RBMS2: variants seen among roughly 807,000 people sequenced by gnomAD.
RBMS2 encodes RNA binding motif single stranded interacting protein 2, also known as RNA-binding motif, single-stranded-interacting protein 2.
RBMS2 carries 38 observed loss-of-function variants against 58.4 expected under a neutral mutation model. That is an observed-to-expected ratio of 0.65 (90% CI 0.50 to 0.85). RBMS2 has a LOEUF of 0.85. Ranked by LOEUF, RBMS2 falls within the 40% of genes least tolerant of loss-of-function variation. The probability of loss-of-function intolerance (pLI) is 0.00; values close to 1 mark genes in which losing one functional copy is unlikely to be tolerated. For synonymous variants in RBMS2, 151 were observed against 180.7 expected (o/e 0.84, Z 1.32); for missense variants, 367 against 503.7 (o/e 0.73, Z 2.60).
chr12:56,528,474 A>G (rs778897528), intron 1 of RBMS2, among the ~76,000 whole-genome samples: 6 of 152,178 alleles, frequency 3.9e-5, no homozygotes, highest in African/African-American at 1.4e-4. Context: ...AACATTGATT[A>G]AGATGTAGAG....
intron 1 of RBMS2, among the ~76,000 whole-genome samples, chr12:56,553,308 T>C (rs1028927264): frequency 6.6e-6 from 1 of 151,838 alleles, no homozygotes; most frequent in African/African-American, 2.4e-5. Flanking sequence ...TGCACCATCA[T>C]GCCTGGCTAA....
intron 5 of RBMS2, among the ~76,000 whole-genome samples, chr12:56,574,029 T>C (rs1484808930): frequency 6.6e-6 from 1 of 152,120 alleles, no homozygotes. Flanking sequence ...TTAGTAAAGA[T>C]GTGGTTTCAC....
intron 1 of RBMS2, among the ~76,000 whole-genome samples, chr12:56,530,350 CTTTTTTTTTTTTTTT>C (rs71081373): frequency 6.3e-5 from 4 of 63,780 alleles, no homozygotes; most frequent in Non-Finnish European, 9.3e-5. Context: ...TTTCTTTTTC[CTTTTTTTTTTTTTTT>C]TTTTTTTTTT....
intron 5 of RBMS2, among the ~76,000 whole-genome samples, chr12:56,579,152 A>G (rs1447888004): frequency 6.6e-6 from 1 of 152,194 alleles, no homozygotes; most frequent in Non-Finnish European, 1.5e-5. Flanking sequence ...ATTAGCCGTC[A>G]GGAGCTCTCC....
rs1186581877 is a variant in RBMS2, at chr12:56,590,876, A to G, written c.*1743A>G. On this transcript the variant is annotated 3_prime_UTR_variant, in exon 14 of 14. Transcript: ENST00000262031. ...TGGACCCTTTGCCCAGGGAACCAGG[A>G]CATCAGAAATAATGTTCCTTCTGTG... The G allele has an allele frequency of 6.6e-6, 1 of 152,228 alleles. No homozygotes were observed. Among genetic ancestry groups the G allele is most frequent in the Middle Eastern group, 3.1e-3 (1 of 318 alleles). 9.4% of individuals were successfully genotyped at this position (152,228 alleles called of 1,614,324 possible).
At chr12:56,528,249 CA>C (rs35558222) in intron 1 of RBMS2, among the ~76,000 whole-genome samples, 2,718 of 135,560 alleles carry the variant, frequency 0.02, 35 homozygotes, top group Middle Eastern at 0.038. Flanking sequence ...GACCATGTAT[CA>C]AAAAAAAAAA....
At chr12:56,521,293 G>A (rs1871687788), upstream of RBMS2, among the ~76,000 whole-genome samples, 1 of 152,024 alleles carries the variant, frequency 6.6e-6, no homozygotes. Context: ...AGCTGGGTGT[G>A]GTGGTGGTCA....
chr12:56,581,778 G>A, intron 7 of RBMS2, 55 bp from the exon 8 acceptor site: 1 of 1,591,194 alleles, frequency 6.3e-7, no homozygotes, highest in Non-Finnish European at 8.6e-7. Flanking sequence ...TTCTGGGCCA[G>A]CTCCTATTCT....
In RBMS2 at chr12:56,595,338, A is replaced by G. The variant is rs959607336; in HGVS notation, c.*6205A>G. 1 of 152,204 alleles carries G rather than the reference A, an allele frequency of 6.6e-6. No individual in the cohort carries two copies. The highest frequency in any genetic ancestry group is 1.5e-5 in the Non-Finnish European group (1 of 68,042). The allele number at this position is 152,204 out of a possible 1,614,324, so 9.4% of individuals were successfully genotyped here. A position where few individuals can be genotyped will look rare whatever the true frequency, so the allele number is the denominator to read the frequency against. On this transcript the variant is annotated 3_prime_UTR_variant, in exon 14 of 14. Transcript: ENST00000262031. ...CAGCGCGAGTGAAGTCCCCACTCCA[A>G]CATATACCCTTTTTGGGTGGGTAAA...
intron 1 of RBMS2, chr12:56,527,749 G>GC (rs1872931243): frequency 2.2e-5 from 1 of 44,884 alleles, no homozygotes. Context: ...CCCATCCCCC[G>GC]CCACCCCCCC....
intron 1 of RBMS2, among the ~76,000 whole-genome samples, chr12:56,546,400 A>C (rs971298628): frequency 1.4e-5 from 2 of 146,362 alleles, no homozygotes; most frequent in African/African-American, 5.0e-5. Flanking sequence ...AATGTATAAT[A>C]TATTGTACAT....
At chr12:56,571,266 T>C (rs996477161) in intron 4 of RBMS2, among the ~76,000 whole-genome samples, 22 of 152,176 alleles carry the variant, frequency 1.4e-4, no homozygotes, top group Admixed American at 1.1e-3. Context: ...CCTCCTGCTC[T>C]TCCTCCATCA....
chr12:56,588,465 C>A, intron 12 of RBMS2, 91 bp downstream of exon 12: 1 of 1,207,184 alleles, frequency 8.3e-7, no homozygotes, highest in Non-Finnish European at 1.2e-6. Flanking sequence ...CACAATGATG[C>A]TGATTCTGTG....
At chr12:56,575,168 CA>C (rs918283780) in intron 5 of RBMS2, among the ~76,000 whole-genome samples, 4 of 149,652 alleles carry the variant, frequency 2.7e-5, no homozygotes, top group African/African-American at 9.8e-5. Flanking sequence ...AGACTCGTCT[CA>C]AAAAAAAACC....
chr12:56,542,834 G>A (rs992012142), intron 1 of RBMS2, among the ~76,000 whole-genome samples: 2 of 151,668 alleles, frequency 1.3e-5, no homozygotes, highest in African/African-American at 4.8e-5. Context: ...ATAGCCGTGA[G>A]CCACCATACC....
intron 1 of RBMS2, among the ~76,000 whole-genome samples, chr12:56,532,529 C>T (rs1035031401): frequency 2.0e-4 from 23 of 116,188 alleles, no homozygotes; most frequent in African/African-American, 5.5e-4. Context: ...GCAACAAGAG[C>T]GAAACTCTGT....
chr12:56,573,264 G>C (rs1256006519), intron 5 of RBMS2: 1 of 853,984 alleles, frequency 1.2e-6, no homozygotes, highest in African/African-American at 1.8e-5. Context: ...ATCACCTGAG[G>C]TCAGGAGTTT....
intron 1 of RBMS2, among the ~76,000 whole-genome samples, chr12:56,538,151 G>A (rs944807226): frequency 9.9e-5 from 15 of 151,910 alleles, no homozygotes; most frequent in Non-Finnish European, 1.9e-4. Flanking sequence ...TCCTGCCTCA[G>A]CCTCCCGGGT....
At chr12:56,542,174 A>C (rs1042721360) in intron 1 of RBMS2, among the ~76,000 whole-genome samples, 1 of 152,028 alleles carries the variant, frequency 6.6e-6, no homozygotes, top group African/African-American at 2.4e-5. Flanking sequence ...CAGCATCCAG[A>C]GTAGCTGGGA....
Sources: allele counts gnomAD v4.1 joint callset (sites outside exome capture counted in the v4.1 genomes callset), GRCh38; gene constraint gnomAD v4.1.1; transcripts MANE v1.5; gene names NCBI Gene and HGNC (gene_info 2026-07-23, HGNC 2026-07-21).